The following ITGBL1 variants were observed in gnomAD, a reference collection of about 807,000 sequenced individuals.
ITGBL1 encodes the protein integrin subunit beta like 1.
ITGBL1 carries 51 observed loss-of-function variants against 68.5 expected under a neutral mutation model. That is an observed-to-expected ratio of 0.74 (90% confidence interval 0.59 to 0.94). ITGBL1 has a LOEUF of 0.94. Among genes scored for constraint, ITGBL1 ranks in the 40% least tolerant of loss-of-function variants. The pLI, the probability that ITGBL1 is intolerant of heterozygous loss-of-function variation, is 0.00. For missense variants in ITGBL1, 649 were observed against 647.4 expected (o/e 1.00, Z -0.03); for synonymous variants, 209 against 227.3 (o/e 0.92, Z 0.72).
chr13:101,555,421 C>T (rs957984517), intron 2 of ITGBL1, among the ~76,000 whole-genome samples: 7 of 151,998 alleles, frequency 4.6e-5, no homozygotes, highest in African/African-American at 1.7e-4. Flanking sequence ...TCAACGAGGG[C>T]CCTATATTTT....
chr13:101,488,612 G>T (rs1246561977), intron 2 of ITGBL1, among the ~76,000 whole-genome samples: 2 of 152,280 alleles, frequency 1.3e-5, no homozygotes, highest in East Asian at 3.9e-4. Flanking sequence ...AGAAAGTGCA[G>T]TTTACTGAGC....
intron 2 of ITGBL1, among the ~76,000 whole-genome samples, chr13:101,514,786 G>A (rs879676340): frequency 6.6e-6 from 1 of 152,034 alleles, no homozygotes; most frequent in Non-Finnish European, 1.5e-5. Context: ...CATGGGTGTG[G>A]TATGTGTGTA....
chr13:101,607,729 A>G (rs911317398), intron 7 of ITGBL1, among the ~76,000 whole-genome samples: 2 of 152,080 alleles, frequency 1.3e-5, no homozygotes, highest in South Asian at 4.1e-4. Flanking sequence ...TTCCCCCACC[A>G]CTAGTGACAA....
chr13:101,479,154 A>G (rs2048579531), intron 2 of ITGBL1, among the ~76,000 whole-genome samples: 1 of 150,678 alleles, frequency 6.6e-6, no homozygotes, highest in Non-Finnish European at 1.5e-5. Context: ...AAATAAATCC[A>G]TACATCTACA....
chr13:101,509,461 C>CATTTTA (rs2049080322), intron 2 of ITGBL1, among the ~76,000 whole-genome samples: 1 of 152,144 alleles, frequency 6.6e-6, no homozygotes, highest in African/African-American at 2.4e-5. Context: ...ATTCATCCCT[C>CATTTTA]ATTTTAATTT....
intron 9 of ITGBL1, among the ~76,000 whole-genome samples, chr13:101,708,541 C>T (rs1287429844): frequency 2.0e-5 from 3 of 152,146 alleles, no homozygotes; most frequent in Non-Finnish European, 4.4e-5. Flanking sequence ...CTGCCACACA[C>T]GAAGGAAGGA....
At chr13:101,653,015 G>T (rs565269885) in intron 7 of ITGBL1, among the ~76,000 whole-genome samples, 1 of 151,990 alleles carries the variant, frequency 6.6e-6, no homozygotes, top group Non-Finnish European at 1.5e-5. Context: ...AGAATTGCTC[G>T]AACCCGGGAG....
At chr13:101,710,589 G>T (rs944445672) in intron 9 of ITGBL1, among the ~76,000 whole-genome samples, 1 of 152,134 alleles carries the variant, frequency 6.6e-6, no homozygotes. Flanking sequence ...TCATGGACTT[G>T]TCCAAATTTT....
intron 7 of ITGBL1, among the ~76,000 whole-genome samples, chr13:101,653,562 T>C (rs1182807159): frequency 6.6e-6 from 1 of 152,216 alleles, no homozygotes; most frequent in Non-Finnish European, 1.5e-5. Flanking sequence ...TGACTTTAAG[T>C]GCATACATTT....
At chr13:101,547,650 A>G (rs967520085) in intron 2 of ITGBL1, among the ~76,000 whole-genome samples, 5 of 151,818 alleles carry the variant, frequency 3.3e-5, no homozygotes, top group African/African-American at 1.2e-4. Flanking sequence ...TGACAGCTCA[A>G]CAGGATGGCT....
chr13:101,561,540 G>A (rs1170609275), intron 2 of ITGBL1, among the ~76,000 whole-genome samples: 2 of 151,902 alleles, frequency 1.3e-5, no homozygotes, highest in African/African-American at 4.8e-5. Flanking sequence ...ACAAAGAGGT[G>A]GACTTATCAT....
chr13:101,702,872 A>G (rs970559234), intron 8 of ITGBL1, among the ~76,000 whole-genome samples: 3 of 152,206 alleles, frequency 2.0e-5, no homozygotes, highest in Non-Finnish European at 4.4e-5. Flanking sequence ...GGAGAAGTAA[A>G]GATGTACTCA....
chr13:101,552,572 T>C (rs2049938623), intron 2 of ITGBL1, among the ~76,000 whole-genome samples: 1 of 152,198 alleles, frequency 6.6e-6, no homozygotes, highest in African/African-American at 2.4e-5. Flanking sequence ...AATTTCCTTG[T>C]TTTAAGTCAG....
chr13:101,501,661 A>G (rs973054932), intron 2 of ITGBL1, among the ~76,000 whole-genome samples: 11 of 152,096 alleles, frequency 7.2e-5, no homozygotes, highest in South Asian at 2.1e-4. Flanking sequence ...CACCACTCCT[A>G]CTTTTTGATA....
At position 101,583,151 on chromosome 13, in the gene ITGBL1, T is replaced by C. The variant is rs2050490647; in HGVS notation, c.728-65T>C. The C allele has an allele frequency of 2.7e-6, 4 of 1,463,322 alleles. No homozygotes were observed. The African/African-American group carries it at 4.2e-5, about 15-fold the overall frequency. 90.6% of individuals were successfully genotyped at this position (1,463,322 alleles called of 1,614,324 possible). On this transcript the variant is annotated intron_variant, in intron 5 of 10. Coordinates refer to ENST00000376180, the MANE Select transcript of ITGBL1 (RefSeq NM_004791.3). ...AGTAAACAGAAAATAATAAGCGATATGTGAAATGCTTTCTTTCATGGTTTT... is the reference window on the plus strand; with the variant it reads ...AGTAAACAGAAAATAATAAGCGATACGTGAAATGCTTTCTTTCATGGTTTT...
chr13:101,502,942 A>G (rs1019448721), intron 2 of ITGBL1, among the ~76,000 whole-genome samples: 4 of 152,150 alleles, frequency 2.6e-5, no homozygotes, highest in Non-Finnish European at 4.4e-5. Context: ...CTCTCCATCT[A>G]CAGATTGTGC....
chr13:101,528,808 T>C (rs2049424592), intron 2 of ITGBL1, among the ~76,000 whole-genome samples: 2 of 151,938 alleles, frequency 1.3e-5, no homozygotes, highest in Non-Finnish European at 2.9e-5. Context: ...TCTATAAAAA[T>C]AAGCATAGCA....
chr13:101,671,651 G>T, intron 7 of ITGBL1, among the ~76,000 whole-genome samples: 1 of 150,640 alleles, frequency 6.6e-6, no homozygotes, highest in East Asian at 1.9e-4. Context: ...TGTTAGCCAG[G>T]ATGGTCTCGA....
intron 2 of ITGBL1, among the ~76,000 whole-genome samples, chr13:101,553,865 T>C (rs1321209873): frequency 1.3e-5 from 2 of 152,026 alleles, no homozygotes; most frequent in African/African-American, 4.8e-5. Flanking sequence ...ACATCTGCCT[T>C]CCAGGTTCAA....
Sources: gnomAD v4.1 joint callset for allele counts (sites outside exome capture counted in the v4.1 genomes callset) on GRCh38, gnomAD v4.1.1 for gene constraint, MANE v1.5 for transcripts, NCBI Gene and HGNC (gene_info 2026-07-23, HGNC 2026-07-21) for gene names.